The following RNF24 variants were observed in gnomAD, a reference collection of about 807,000 sequenced individuals.
The protein encoded by RNF24 is ring finger protein 24.
Under a neutral mutation model 20.0 loss-of-function variants are expected in RNF24, and 14 were observed. That is an observed-to-expected ratio of 0.70 (90% CI 0.46 to 1.10). The LOEUF (loss-of-function observed/expected upper bound fraction) is 1.10. Among genes scored for constraint, RNF24 ranks in the 50% least tolerant of loss-of-function variants. The pLI is 0.00. For missense variants in RNF24, 124 were observed against 177.6 expected, an observed-to-expected ratio of 0.70 and a Z score of 1.71; for synonymous variants, 45 against 61.1, an observed-to-expected ratio of 0.74 and a Z score of 1.23.
chr20:3,961,808 CA>C (rs367756701), intron 2 of RNF24, among the ~76,000 whole-genome samples: 2 of 149,056 alleles, frequency 1.3e-5, no homozygotes, highest in African/African-American at 2.5e-5. Flanking sequence ...GAGGAATTAT[CA>C]AAAAAAACTA....
At chr20:3,935,531 A>G (rs1316819593) in intron 4 of RNF24, among the ~76,000 whole-genome samples, 3 of 152,242 alleles carry the variant, frequency 2.0e-5, no homozygotes, top group Non-Finnish European at 4.4e-5. Flanking sequence ...TTTTATGCAC[A>G]GCTTGCAGTA....
At chr20:3,950,965 T>G (rs546821075) in intron 2 of RNF24, among the ~76,000 whole-genome samples, 40 of 152,306 alleles carry the variant, frequency 2.6e-4, no homozygotes, top group African/African-American at 9.6e-4. Context: ...ATTTTTTGTT[T>G]GTTTTTTGGA....
intron 1 of RNF24, among the ~76,000 whole-genome samples, chr20:3,981,841 G>A (rs745803040): frequency 1.9e-4 from 29 of 151,852 alleles, no homozygotes; most frequent in East Asian, 3.9e-4. Flanking sequence ...CTATTGGGCC[G>A]GGCACACTAA....
chr20:3,949,465 C>T (rs532207225), intron 2 of RNF24, among the ~76,000 whole-genome samples: 5 of 152,050 alleles, frequency 3.3e-5, no homozygotes, highest in East Asian at 1.9e-4. Flanking sequence ...GCAGGAGGAT[C>T]GCTTGAGCCC....
chr20:3,945,240 T>C, intron 3 of RNF24, 22 bp from the exon 4 acceptor site: 2 of 1,567,000 alleles, frequency 1.3e-6, no homozygotes, highest in Non-Finnish European at 1.7e-6. Flanking sequence ...AAAAGTATGT[T>C]CTTATGCCCA....
At chr20:3,987,173 G>A (rs1452652333) in intron 1 of RNF24, among the ~76,000 whole-genome samples, 1 of 152,178 alleles carries the variant, frequency 6.6e-6, no homozygotes, top group Non-Finnish European at 1.5e-5. Context: ...TAGGAATATG[G>A]GTTAGGGGGA....
At chr20:3,980,236 A>G (rs921755118) in intron 1 of RNF24, among the ~76,000 whole-genome samples, 1 of 152,194 alleles carries the variant, frequency 6.6e-6, no homozygotes, top group African/African-American at 2.4e-5. Context: ...TGAAAGTGGA[A>G]CTCGCTAAAC....
intron 1 of RNF24, among the ~76,000 whole-genome samples, chr20:4,002,668 T>C (rs1432267571): frequency 6.6e-6 from 1 of 152,186 alleles, no homozygotes; most frequent in African/African-American, 2.4e-5. Context: ...ACAGAATAAA[T>C]TATATGGAAA....
chr20:3,991,761 T>C (rs1411956585), intron 1 of RNF24, among the ~76,000 whole-genome samples: 1 of 152,166 alleles, frequency 6.6e-6, no homozygotes, highest in African/African-American at 2.4e-5. Flanking sequence ...TTAGATAAGG[T>C]AATCATTTAA....
intron 1 of RNF24, among the ~76,000 whole-genome samples, chr20:3,968,799 G>T (rs1043221750): frequency 6.6e-6 from 1 of 152,008 alleles, no homozygotes; most frequent in African/African-American, 2.4e-5. Flanking sequence ...CTGATGAAAT[G>T]GATACACTGG....
chr20:4,011,002 C>T lies in RNF24; in HGVS notation c.-8+4435G>A, dbSNP rs533782276. On this transcript the variant is annotated intron_variant, in intron 1 of 5. Transcript: ENST00000358395. Reference sequence around the variant, plus strand: ...GGGTGAGATGGGGGGAGTATGCACACACATACATATACAGCCTTTTTGGAA... The same window carrying T: ...GGGTGAGATGGGGGGAGTATGCACATACATACATATACAGCCTTTTTGGAA... Among the ~76,000 whole-genome samples, 12 of 152,278 alleles carry T rather than the reference C, an allele frequency of 7.9e-5. No homozygotes were observed. The East Asian group carries it at 2.3e-3, about 29-fold the overall frequency.
intron 4 of RNF24, among the ~76,000 whole-genome samples, chr20:3,938,183 A>C (rs2090914614): frequency 6.6e-6 from 1 of 152,222 alleles, no homozygotes; most frequent in Non-Finnish European, 1.5e-5. Flanking sequence ...TTAATGACTA[A>C]TGATGCCGTG....
chr20:3,963,735 C>T, intron 2 of RNF24, 140 bp downstream of exon 2: 1 of 608,528 alleles, frequency 1.6e-6, no homozygotes, highest in Non-Finnish European at 2.8e-6. Flanking sequence ...TACTAATGCA[C>T]AGATTAAAAC....
At chr20:3,949,669 G>A (rs2091059998) in intron 2 of RNF24, among the ~76,000 whole-genome samples, 1 of 152,132 alleles carries the variant, frequency 6.6e-6, no homozygotes, top group African/African-American at 2.4e-5. Flanking sequence ...GGGTGACGGA[G>A]TGAGATCCTG....
At chr20:3,969,059 G>A (rs992789039) in intron 1 of RNF24, among the ~76,000 whole-genome samples, 51 of 151,810 alleles carry the variant, frequency 3.4e-4, no homozygotes, top group African/African-American at 1.2e-3. Flanking sequence ...TCTATGTCTC[G>A]GTTTCCTCAT....
chr20:3,957,748 A>G (rs181041083), intron 2 of RNF24, among the ~76,000 whole-genome samples: 14 of 152,248 alleles, frequency 9.2e-5, no homozygotes, highest in Admixed American at 6.5e-4. Flanking sequence ...TCTAACTCCC[A>G]TTAATTATCT....
At chr20:3,945,041 C>A in intron 4 of RNF24, 136 bp downstream of exon 4, 1 of 1,130,822 alleles carries the variant, frequency 8.8e-7, no homozygotes, top group Non-Finnish European at 1.3e-6. Flanking sequence ...TGTGACCTCA[C>A]CCTGAAATAT....
chr20:3,949,184 A>G (rs1339527464), intron 2 of RNF24, among the ~76,000 whole-genome samples: 1 of 152,240 alleles, frequency 6.6e-6, no homozygotes, highest in Non-Finnish European at 1.5e-5. Flanking sequence ...GTTTGAGACC[A>G]GCCTGGTCAA....
At chr20:3,947,822 G>A (rs544868229) in intron 3 of RNF24, among the ~76,000 whole-genome samples, 6 of 152,244 alleles carry the variant, frequency 3.9e-5, no homozygotes, top group East Asian at 1.9e-4. Context: ...CGAGGCGGGC[G>A]GATCACCTGA....
Sources: gnomAD v4.1 joint callset for allele counts (sites outside exome capture counted in the v4.1 genomes callset) on GRCh38, gnomAD v4.1.1 for gene constraint, MANE v1.5 for transcripts, NCBI Gene and HGNC (gene_info 2026-07-23, HGNC 2026-07-21) for gene names.